Variants in TRAPPC9 observed in about 807,000 individuals in gnomAD.
TRAPPC9 encodes the protein trafficking protein particle complex subunit 9.
TRAPPC9 carries 83 observed loss-of-function variants against 124.0 expected under a neutral mutation model. The ratio of observed to expected loss-of-function variants is 0.67; its 90% CI spans 0.56 to 0.80. TRAPPC9 has a LOEUF of 0.80. Ranked by LOEUF, TRAPPC9 falls within the 30% of genes least tolerant of loss-of-function variation. The probability of loss-of-function intolerance (pLI) is 0.00; values close to 1 mark genes in which losing one functional copy is unlikely to be tolerated. For missense variants in TRAPPC9, 1,302 were observed against 1,508.3 expected (o/e 0.86, Z 2.27); for synonymous variants, 638 against 617.5 (o/e 1.03, Z -0.49).
chr8:139,907,549 A>G lies in TRAPPC9; in HGVS notation c.2964+2598T>C. 1.7e-5 allele frequency among the ~76,000 whole-genome samples: 2 copies of G among 119,024 alleles called. No homozygotes were observed. The highest frequency in any genetic ancestry group is 3.4e-5 in the Non-Finnish European group (2 of 58,648). 78.1% of individuals were successfully genotyped at this position (119,024 alleles called of 152,430 possible). ...AGGGAGAAAGAGAAAGGGGGGGAGG[A>G]AGGGATGGAGGCAGAGAGGGAGGGA... On this transcript the variant is annotated intron_variant, in intron 20 of 22. Transcript: ENST00000438773. This position sits in a 1 kb window ranked among gnomAD's most constrained non-coding sequence, Gnocchi z 4.7.
chr8:140,389,487 C>T (rs2068861083), intron 7 of TRAPPC9, among the ~76,000 whole-genome samples: 1 of 152,168 alleles, frequency 6.6e-6, no homozygotes, highest in Admixed American at 6.6e-5. Flanking sequence ...CTGATGCTGG[C>T]GAGTGCCACA....
intron 9 of TRAPPC9, among the ~76,000 whole-genome samples, chr8:140,320,307 A>G (rs2066559247): frequency 6.6e-6 from 1 of 152,234 alleles, no homozygotes; most frequent in South Asian, 2.1e-4. Flanking sequence ...AAACAAAACA[A>G]AAGGAAAAGA....
intron 19 of TRAPPC9, among the ~76,000 whole-genome samples, chr8:139,954,570 C>G (rs771615398): frequency 1.5e-4 from 23 of 152,154 alleles, no homozygotes; most frequent in Non-Finnish European, 2.8e-4. Context: ...CCCAGCAGAC[C>G]AAGCTTTTAA....
intron 18 of TRAPPC9, among the ~76,000 whole-genome samples, chr8:140,020,339 C>A (rs1839759822): frequency 6.6e-6 from 1 of 152,184 alleles, no homozygotes; most frequent in Admixed American, 6.5e-5. Context: ...TTCACCATTT[C>A]TAATACAAAC....
chr8:139,794,558 G>A (rs1299618304), intron 21 of TRAPPC9, among the ~76,000 whole-genome samples: 1 of 152,124 alleles, frequency 6.6e-6, no homozygotes, highest in African/African-American at 2.4e-5. Flanking sequence ...CCCACTTCAG[G>A]GACACACTTA....
chr8:139,881,311 A>G (rs1829661475), intron 21 of TRAPPC9: 1 of 152,332 alleles, frequency 6.6e-6, no homozygotes, highest in South Asian at 2.1e-4. Flanking sequence ...TTTTTAGGGA[A>G]TCCGAATTCC....
At chr8:140,360,024 A>T in intron 9 of TRAPPC9, 26 bp downstream of exon 9, 1 of 1,614,048 alleles carries the variant, frequency 6.2e-7, no homozygotes, top group Non-Finnish European at 8.5e-7. Context: ...CCTTGAAAAA[A>T]AACATTGTGG....
At chr8:140,314,232 T>C (rs745848055) in intron 9 of TRAPPC9, among the ~76,000 whole-genome samples, 7 of 152,214 alleles carry the variant, frequency 4.6e-5, no homozygotes, top group African/African-American at 7.2e-5. Context: ...TAATGACCAA[T>C]GTGTTTTGTT....
chr8:140,116,242 G>A (rs756273843), intron 17 of TRAPPC9, among the ~76,000 whole-genome samples: 4 of 152,152 alleles, frequency 2.6e-5, no homozygotes, highest in Non-Finnish European at 2.9e-5. Context: ...AGATGTGATC[G>A]TACCAGCATT....
intron 5 of TRAPPC9, among the ~76,000 whole-genome samples, chr8:140,411,122 T>C (rs936304311): frequency 2.6e-5 from 4 of 152,136 alleles, no homozygotes; most frequent in Non-Finnish European, 5.9e-5. Context: ...CCTTGAACTC[T>C]AACTCTAGGT....
At chr8:140,281,268 G>T (rs185324201) in intron 14 of TRAPPC9, among the ~76,000 whole-genome samples, 1 of 152,196 alleles carries the variant, frequency 6.6e-6, no homozygotes, top group Non-Finnish European at 1.5e-5. Flanking sequence ...CGCACGAGGC[G>T]TCCAGCTTCT....
intron 15 of TRAPPC9, among the ~76,000 whole-genome samples, chr8:140,270,105 A>G (rs190014173): frequency 6.6e-6 from 1 of 152,222 alleles, no homozygotes; most frequent in African/African-American, 2.4e-5. Flanking sequence ...ATCTCAAAAA[A>G]AAAAAGAGAA....
At chr8:139,839,607 G>A (rs1414106544) in intron 21 of TRAPPC9, among the ~76,000 whole-genome samples, 3 of 152,180 alleles carry the variant, frequency 2.0e-5, no homozygotes, top group South Asian at 4.1e-4. Flanking sequence ...AGTCATGTTC[G>A]GAACCCACAG....
chr8:140,300,232 T>C (rs1475511572), intron 11 of TRAPPC9, among the ~76,000 whole-genome samples: 1 of 150,062 alleles, frequency 6.7e-6, no homozygotes. Flanking sequence ...AACACACATA[T>C]GCATGCACGC....
intron 21 of TRAPPC9, among the ~76,000 whole-genome samples, chr8:139,817,800 G>A (rs1458652389): frequency 1.3e-5 from 2 of 152,212 alleles, no homozygotes; most frequent in Non-Finnish European, 2.9e-5. Context: ...GGCAACTTAG[G>A]TAAAGACTTT....
At chr8:139,819,217 T>C (rs1212172925) in intron 21 of TRAPPC9, among the ~76,000 whole-genome samples, 1 of 152,182 alleles carries the variant, frequency 6.6e-6, no homozygotes, top group Non-Finnish European at 1.5e-5. Context: ...TCTAATGCCT[T>C]ATGATCTGTC....
At chr8:140,140,888 T>C (rs1420364223) in intron 17 of TRAPPC9, among the ~76,000 whole-genome samples, 2 of 152,202 alleles carry the variant, frequency 1.3e-5, no homozygotes. Flanking sequence ...CGGTCAGTTT[T>C]CCCCTCAGCC....
chr8:140,030,910 A>T (rs577301119), intron 17 of TRAPPC9, among the ~76,000 whole-genome samples: 1 of 152,092 alleles, frequency 6.6e-6, no homozygotes, highest in African/African-American at 2.4e-5. Context: ...AAAATATTCT[A>T]TATCTTTATG....
chr8:140,136,151 T>TA (rs1218150644), intron 17 of TRAPPC9, among the ~76,000 whole-genome samples: 22 of 149,588 alleles, frequency 1.5e-4, no homozygotes, highest in African/African-American at 2.4e-4. Context: ...TGCAAAGGCT[T>TA]AAAAAAAAAA....
Sources: allele counts gnomAD v4.1 joint callset (sites outside exome capture counted in the v4.1 genomes callset), GRCh38; gene constraint gnomAD v4.1.1; non-coding constraint Gnocchi (gnomAD v3.1); transcripts MANE v1.5; gene names NCBI Gene and HGNC (gene_info 2026-07-23, HGNC 2026-07-21).